FOXP2: variants seen among roughly 807,000 people sequenced by gnomAD.
FOXP2 encodes forkhead box protein P2.
Under a neutral mutation model 115.8 loss-of-function variants are expected in FOXP2, and 12 were observed. The ratio of observed to expected loss-of-function variants is 0.10; its 90% CI spans 0.07 to 0.17. The LOEUF (loss-of-function observed/expected upper bound fraction) is 0.17, where lower values mean the gene tolerates loss of function less well. FOXP2 is among the 10% of genes least tolerant of loss of function. FOXP2 has a pLI of 1.00. For synonymous variants in FOXP2, 328 were observed against 297.7 expected, an observed-to-expected ratio of 1.10 and a Z score of -1.05; for missense variants, 629 against 843.5, an observed-to-expected ratio of 0.75 and a Z score of 3.15.
intron 2 of FOXP2, among the ~76,000 whole-genome samples, chr7:114,494,371 A>C (rs969281753): frequency 1.3e-5 from 2 of 152,180 alleles, no homozygotes; most frequent in Non-Finnish European, 2.9e-5. Flanking sequence ...TGTTTATGAG[A>C]TAAAGCCTTG....
chr7:114,487,314 C>T (rs554051608), intron 2 of FOXP2, among the ~76,000 whole-genome samples: 28 of 152,184 alleles, frequency 1.8e-4, no homozygotes, highest in South Asian at 1.2e-3. Context: ...TGACTGGAGC[C>T]GCTGGGATGC....
intron 12 of FOXP2, 57 bp downstream of exon 12, chr7:114,659,489 AG>A (rs1806761891): frequency 6.3e-7 from 1 of 1,586,646 alleles, no homozygotes; most frequent in African/African-American, 1.3e-5. Flanking sequence ...TAATGCTTAA[AG>A]TAAGGCTTGG....
At chr7:114,559,230 T>C (rs7799109) in intron 3 of FOXP2, among the ~76,000 whole-genome samples, 30,433 of 152,092 alleles carry the variant, frequency 0.2, 4,064 homozygotes, top group African/African-American at 0.38. Flanking sequence ...TTTTCAGTGA[T>C]TTTAGACACA....
chr7:114,643,855 A>G (rs1350167604), intron 7 of FOXP2, among the ~76,000 whole-genome samples: 1 of 152,190 alleles, frequency 6.6e-6, no homozygotes, highest in African/African-American at 2.4e-5. Context: ...CTGTTATGCA[A>G]TATGAATATC....
chr7:114,465,351 AT>A (rs1795756891), intron 2 of FOXP2, among the ~76,000 whole-genome samples: 1 of 152,152 alleles, frequency 6.6e-6, no homozygotes, highest in Non-Finnish European at 1.5e-5. Flanking sequence ...TACTCACTAG[AT>A]TGGAATTTCT....
chr7:114,314,314 TA>T (rs1228945756), intron 2 of FOXP2, among the ~76,000 whole-genome samples: 1 of 151,412 alleles, frequency 6.6e-6, no homozygotes, highest in Admixed American at 6.6e-5. Context: ...TTGACAGATA[TA>T]ACTGTAAAAA....
intron 1 of FOXP2, among the ~76,000 whole-genome samples, chr7:114,154,045 A>G (rs1320353328): frequency 1.3e-5 from 2 of 152,168 alleles, no homozygotes; most frequent in African/African-American, 4.8e-5. Flanking sequence ...TCACTAATCT[A>G]GTTCAACTGA....
intron 3 of FOXP2, among the ~76,000 whole-genome samples, chr7:114,536,870 A>G (rs919750422): frequency 6.6e-5 from 10 of 151,512 alleles, no homozygotes; most frequent in Non-Finnish European, 1.2e-4. Flanking sequence ...ACCAAAATAT[A>G]CACTGCAATT....
chr7:114,692,805 TTGG>T lies in FOXP2; in HGVS notation c.*2883_*2885del. On this transcript the variant is annotated 3_prime_UTR_variant, in exon 17 of 17. Coordinates refer to ENST00000350908, the MANE Select transcript of FOXP2 (RefSeq NM_014491.4). ...TGTAGCACAAACATCTGTTTATGTATTGGTGGAATATACCTGTTTTATTTATCT... is the reference window on the plus strand; with the variant it reads ...TGTAGCACAAACATCTGTTTATGTATTGGAATATACCTGTTTTATTTATCT... 1 of 447,546 alleles carries T rather than the reference TTGG, an allele frequency of 2.2e-6. No individual in the cohort carries two copies. Among genetic ancestry groups the T allele is most frequent in the South Asian group, 1.6e-5 (1 of 63,058 alleles). The allele number at this position is 447,546 out of a possible 1,614,324, so 27.7% of individuals were successfully genotyped here.
At chr7:114,096,904 A>T (rs1207263868) in intron 1 of FOXP2, among the ~76,000 whole-genome samples, 2 of 152,160 alleles carry the variant, frequency 1.3e-5, no homozygotes, top group African/African-American at 4.8e-5. Context: ...GAGTAGTTTT[A>T]TGTTTACATG....
At chr7:114,196,016 A>C (rs78868183) in intron 1 of FOXP2, among the ~76,000 whole-genome samples, 1,613 of 152,070 alleles carry the variant, frequency 0.011, 8 homozygotes, top group Non-Finnish European at 0.016. Flanking sequence ...TTAATTAATT[A>C]ATTTATTTAT....
intron 6 of FOXP2, among the ~76,000 whole-genome samples, chr7:114,632,524 CATT>C (rs1460630360): frequency 2.6e-5 from 4 of 152,250 alleles, no homozygotes. Flanking sequence ...TTGGGACAAA[CATT>C]AATCCAAATG....
At chr7:114,672,946 A>G (rs775536863) in intron 16 of FOXP2, among the ~76,000 whole-genome samples, 36 of 152,358 alleles carry the variant, frequency 2.4e-4, no homozygotes, top group Admixed American at 9.8e-4. Flanking sequence ...CCACAGCAGT[A>G]GGGCTCAACT....
chr7:114,612,207 A>G (rs1803666573), intron 3 of FOXP2, among the ~76,000 whole-genome samples: 1 of 152,058 alleles, frequency 6.6e-6, no homozygotes, highest in African/African-American at 2.4e-5. Flanking sequence ...TCTGGAAGAT[A>G]TTGAGACTGG....
chr7:114,524,939 G>A (rs1276758012), intron 2 of FOXP2, among the ~76,000 whole-genome samples: 2 of 152,128 alleles, frequency 1.3e-5, no homozygotes, highest in African/African-American at 4.8e-5. Context: ...ATACATTCAT[G>A]AAATTATATA....
At chr7:114,207,450 C>A (rs1169706013) in intron 1 of FOXP2, among the ~76,000 whole-genome samples, 1 of 152,166 alleles carries the variant, frequency 6.6e-6, no homozygotes, top group East Asian at 1.9e-4. Context: ...AGTGATATTT[C>A]ATTATGCTTT....
intron 2 of FOXP2, among the ~76,000 whole-genome samples, chr7:114,346,327 C>T (rs1452363569): frequency 6.6e-6 from 1 of 151,534 alleles, no homozygotes; most frequent in African/African-American, 2.4e-5. Flanking sequence ...TTGCAATAGC[C>T]ATGATATAGA....
chr7:114,664,566 C>A, intron 16 of FOXP2, 130 bp downstream of exon 16: 1 of 1,085,884 alleles, frequency 9.2e-7, no homozygotes, highest in East Asian at 2.6e-5. Flanking sequence ...TAAATTATAC[C>A]ACGTTCATAA....
intron 1 of FOXP2, among the ~76,000 whole-genome samples, chr7:114,247,260 A>G (rs1244711112): frequency 6.6e-6 from 1 of 152,202 alleles, no homozygotes; most frequent in African/African-American, 2.4e-5. Context: ...TTGCAAATCT[A>G]TAACCCAGAA....
Sources: gnomAD v4.1 joint callset for allele counts (sites outside exome capture counted in the v4.1 genomes callset) on GRCh38, gnomAD v4.1.1 for gene constraint, MANE v1.5 for transcripts, NCBI Gene and HGNC (gene_info 2026-07-23, HGNC 2026-07-21) for gene names.